The following PALM2AKAP2 variants were observed in gnomAD, a reference collection of about 807,000 sequenced individuals.
PALM2AKAP2 encodes PALM2 and AKAP2 fusion.
Under a neutral mutation model 71.5 loss-of-function variants are expected in PALM2AKAP2, and 37 were observed. The ratio of observed to expected loss-of-function variants is 0.52; its 90% CI spans 0.40 to 0.68. The LOEUF (loss-of-function observed/expected upper bound fraction) is 0.68. PALM2AKAP2 is among the 30% of genes least tolerant of loss of function. The pLI is 0.00. For missense variants in PALM2AKAP2, 1,224 were observed against 1,191.8 expected, an observed-to-expected ratio of 1.03 and a Z score of -0.40; for synonymous variants, 468 against 478.8, an observed-to-expected ratio of 0.98 and a Z score of 0.29.
chr9:109,975,998 G>A (rs1219819572), intron 6 of PALM2AKAP2, among the ~76,000 whole-genome samples: 1 of 152,194 alleles, frequency 6.6e-6, no homozygotes, highest in Admixed American at 6.5e-5. Flanking sequence ...ATGGCCATGG[G>A]CCATCTGCCT....
upstream of PALM2AKAP2, among the ~76,000 whole-genome samples, chr9:110,045,780 G>C (rs1342527630): frequency 6.6e-6 from 1 of 152,070 alleles, no homozygotes; most frequent in African/African-American, 2.4e-5. Context: ...ATCTTGGCCA[G>C]GCTGGTCTTG....
chr9:109,870,460 C>T (rs371234822), intron 2 of PALM2AKAP2, among the ~76,000 whole-genome samples: 6 of 152,166 alleles, frequency 3.9e-5, no homozygotes, highest in Non-Finnish European at 1.5e-5. Context: ...CTCCTGGTAG[C>T]CTGTTAGCCA....
intron 1 of PALM2AKAP2, among the ~76,000 whole-genome samples, chr9:109,686,954 T>G (rs1296565792): frequency 6.6e-6 from 1 of 152,156 alleles, no homozygotes; most frequent in East Asian, 1.9e-4. Context: ...TGTGATAGTT[T>G]GCTGAGAATG....
At chr9:109,988,036 G>C (rs1414992040) in intron 6 of PALM2AKAP2, among the ~76,000 whole-genome samples, 1 of 152,206 alleles carries the variant, frequency 6.6e-6, no homozygotes, top group Non-Finnish European at 1.5e-5. Context: ...TATGGGTTCT[G>C]TTCTACAGAG....
intron 6 of PALM2AKAP2, chr9:109,946,307 C>T (rs1831503225): frequency 6.6e-6 from 1 of 152,174 alleles, no homozygotes; most frequent in Non-Finnish European, 1.5e-5. Context: ...TATTTGGTTA[C>T]ATAACCAAAC....
chr9:109,765,283 T>C (rs1467393168), intron 1 of PALM2AKAP2: 1 of 152,256 alleles, frequency 6.6e-6, no homozygotes, highest in African/African-American at 2.4e-5. Flanking sequence ...ATCTGTGCTA[T>C]ATGACCTTAG....
At chr9:109,825,216 T>C (rs1344588346) in intron 1 of PALM2AKAP2, among the ~76,000 whole-genome samples, 2 of 152,228 alleles carry the variant, frequency 1.3e-5, no homozygotes, top group Non-Finnish European at 2.9e-5. Flanking sequence ...TAATTCAAGA[T>C]GGATTAAAGA....
At chr9:109,925,140 G>C (rs1199971585) in intron 5 of PALM2AKAP2, 58 bp downstream of exon 5, 2 of 1,610,242 alleles carry the variant, frequency 1.2e-6, no homozygotes, top group East Asian at 4.5e-5. Flanking sequence ...AGCTTAGGGG[G>C]TTTCATTAAC....
At chr9:109,719,960 C>T (rs1212998960) in intron 1 of PALM2AKAP2, among the ~76,000 whole-genome samples, 1 of 152,000 alleles carries the variant, frequency 6.6e-6, no homozygotes, top group Non-Finnish European at 1.5e-5. Context: ...AACATGATAG[C>T]TACTAAAGAT....
At chr9:109,998,913 C>T (rs898303219) in intron 6 of PALM2AKAP2, among the ~76,000 whole-genome samples, 7 of 152,090 alleles carry the variant, frequency 4.6e-5, no homozygotes, top group African/African-American at 1.7e-4. Flanking sequence ...GGGAGAGTAG[C>T]TTAGGCAGCC....
intron 1 of PALM2AKAP2, among the ~76,000 whole-genome samples, chr9:109,863,842 G>A (rs181930133): frequency 7.2e-5 from 11 of 152,268 alleles, no homozygotes; most frequent in African/African-American, 2.4e-4. Flanking sequence ...CACTTTGGGA[G>A]ACTGAGGTGG....
Position 110,136,515 on chromosome 9 carries a change from C to T in PALM2AKAP2, c.545C>T (p.Pro182Leu). 6.2e-7 allele frequency: 1 copy of T among 1,613,834 alleles called. No homozygotes were observed. The highest frequency in any genetic ancestry group is 8.5e-7 in the Non-Finnish European group (1 of 1,180,036). ...GTTCTGGTGGGCGGCCTAAGCCCCC[C>T]TGTCCACGAGGCGACCCAGCCAGAA... Residue 182 changes from proline to leucine, a missense_variant, in exon 2 of 4, where the codon CCT (proline) becomes CTT (leucine). Physicochemically the swap from Pro to Leu is moderately conservative, Grantham distance 98 (BLOSUM62 -3). Coordinates refer to ENST00000374525, the Ensembl canonical transcript of PALM2AKAP2.
At chr9:110,092,965 A>T (rs1416076188) in intron 1 of PALM2AKAP2, among the ~76,000 whole-genome samples, 1 of 152,158 alleles carries the variant, frequency 6.6e-6, no homozygotes. Flanking sequence ...CAGTGCTCTG[A>T]TTGGTCAGAC....
chr9:110,041,619 C>T (rs1833513761), intron 7 of PALM2AKAP2, among the ~76,000 whole-genome samples: 1 of 152,240 alleles, frequency 6.6e-6, no homozygotes, highest in South Asian at 2.1e-4. Context: ...AGGAAAGAAA[C>T]TTACTTGGGC....
At chr9:109,851,209 CAAAAAA>C (rs56938333) in intron 1 of PALM2AKAP2, among the ~76,000 whole-genome samples, 1 of 144,902 alleles carries the variant, frequency 6.9e-6, no homozygotes, top group African/African-American at 2.6e-5. Flanking sequence ...ACAACAACAA[CAAAAAA>C]AAAAAAACAC....
intron 7 of PALM2AKAP2, among the ~76,000 whole-genome samples, chr9:110,019,873 A>C (rs557030104): frequency 2.0e-5 from 3 of 152,348 alleles, no homozygotes; most frequent in African/African-American, 7.2e-5. Context: ...GTTCAGTAGA[A>C]GTCCAAATCC....
At chr9:109,902,975 C>G (rs1830362853) in intron 3 of PALM2AKAP2, among the ~76,000 whole-genome samples, 1 of 152,100 alleles carries the variant, frequency 6.6e-6, no homozygotes, top group Non-Finnish European at 1.5e-5. Context: ...TGGTTTCTGG[C>G]ATTGCTGAGA....
intron 1 of PALM2AKAP2, among the ~76,000 whole-genome samples, chr9:109,697,469 A>C (rs1482114973): frequency 6.6e-6 from 1 of 152,232 alleles, no homozygotes; most frequent in African/African-American, 2.4e-5. Flanking sequence ...TAAATATTCT[A>C]CTATGTAAAT....
intron 3 of PALM2AKAP2, among the ~76,000 whole-genome samples, chr9:109,895,441 C>T (rs546102021): frequency 6.6e-6 from 1 of 152,296 alleles, no homozygotes; most frequent in East Asian, 1.9e-4. Flanking sequence ...ATAAGATTTG[C>T]TCTCTCTCGG....
Sources: gnomAD v4.1 joint callset for allele counts (sites outside exome capture counted in the v4.1 genomes callset) on GRCh38, gnomAD v4.1.1 for gene constraint, MANE v1.5 for transcripts, NCBI Gene and HGNC (gene_info 2026-07-23, HGNC 2026-07-21) for gene names.